Variants in CCDC7 observed in about 807,000 individuals in gnomAD.
The protein encoded by CCDC7 is coiled-coil domain containing 7.
A neutral mutation model predicts 196.9 loss-of-function variants in CCDC7; 183 were observed. That is an observed-to-expected ratio of 0.93 (90% CI 0.82 to 1.05). The LOEUF is 1.05. CCDC7 is among the 50% of genes least tolerant of loss of function. The pLI is 0.00. For missense variants in CCDC7, 1,540 were observed against 1,482.2 expected, an observed-to-expected ratio of 1.04 and a Z score of -0.64; for synonymous variants, 525 against 484.6, an observed-to-expected ratio of 1.08 and a Z score of -1.10.
chr10:32,474,960 G>C (rs763746079), intron 8 of CCDC7, among the ~76,000 whole-genome samples: 1 of 152,170 alleles, frequency 6.6e-6, no homozygotes, highest in Non-Finnish European at 1.5e-5. Context: ...TTTAAACCAA[G>C]GACAGCTGCA....
chr10:32,594,755 A>G (rs551524806), intron 18 of CCDC7, among the ~76,000 whole-genome samples: 4 of 152,324 alleles, frequency 2.6e-5, no homozygotes, highest in East Asian at 1.9e-4. Context: ...AGTTTTTAGC[A>G]TGAAGCGCTG....
intron 28 of CCDC7, among the ~76,000 whole-genome samples, chr10:32,760,445 G>A (rs2077264046): frequency 6.6e-6 from 1 of 151,934 alleles, no homozygotes; most frequent in South Asian, 2.1e-4. Context: ...GTCCTTTGTA[G>A]GGACATGGAT....
intron 34 of CCDC7, 51 bp downstream of exon 35, chr10:32,845,377 C>A: frequency 7.2e-7 from 1 of 1,384,456 alleles, no homozygotes; most frequent in South Asian, 1.3e-5. Flanking sequence ...TTGATATTCC[C>A]TGAGTTAAAT....
rs1429756544 is a variant in CCDC7 at position 32,691,277 on chromosome 10, C to T, written c.2344+2114C>T. On this transcript the variant is annotated intron_variant, in intron 23 of 41. Coordinates refer to ENST00000639629, the Ensembl canonical transcript of CCDC7. ...TCATCGCATTCTGGATTTAGTAGGG[C>T]TATGTGTTGGTACCCATGGCCCACT... Among the ~76,000 whole-genome samples, 5 of 152,062 alleles carry T rather than the reference C, an allele frequency of 3.3e-5. 1 individual carries two copies.
intron 25 of CCDC7, among the ~76,000 whole-genome samples, chr10:32,721,091 T>C (rs1437381852): frequency 6.6e-6 from 1 of 151,238 alleles, no homozygotes; most frequent in African/African-American, 2.4e-5. Context: ...AAACCCTGTC[T>C]CCAAAAGAAA....
In CCDC7 at chr10:32,868,744, G is replaced by T. The variant is rs552016569; in HGVS notation, c.4112-7603G>T. On this transcript the variant is annotated intron_variant, in intron 41 of 41. Coordinates refer to ENST00000639629, the Ensembl canonical transcript of CCDC7. ...TCCCCCCACCCCACAAAAGGCCCTG[G>T]CGTGTGATGTTCCCCTTCCTGTGTC... Among the ~76,000 whole-genome samples, 62 of 118,474 alleles carry T rather than the reference G, an allele frequency of 5.2e-4. No homozygotes were observed. The South Asian group carries it at 0.017, about 32-fold the overall frequency. 77.7% of individuals were successfully genotyped at this position (118,474 alleles called of 152,430 possible). A position where few individuals can be genotyped will look rare whatever the true frequency, so the allele number is the denominator to read the frequency against.
At chr10:32,600,211 ATTTG>A (rs1405653812) in intron 18 of CCDC7, among the ~76,000 whole-genome samples, 1 of 151,026 alleles carries the variant, frequency 6.6e-6, no homozygotes, top group Non-Finnish European at 1.5e-5. Context: ...ATGTGTTTTC[ATTTG>A]TTTGTGTCAT....
intron 16 of CCDC7, among the ~76,000 whole-genome samples, chr10:32,576,139 G>A (rs1333042959): frequency 1.3e-5 from 2 of 151,986 alleles, no homozygotes; most frequent in Non-Finnish European, 2.9e-5. Context: ...GAGCCAGATT[G>A]TCCTTTGTCT....
intron 9 of CCDC7, among the ~76,000 whole-genome samples, chr10:32,505,567 C>G (rs867769338): frequency 6.6e-6 from 1 of 152,108 alleles, no homozygotes; most frequent in Non-Finnish European, 1.5e-5. Context: ...ATGGAGTCTC[C>G]TATGTCTACT....
chr10:32,726,427 G>A (rs1364064622), intron 25 of CCDC7, among the ~76,000 whole-genome samples: 2 of 151,846 alleles, frequency 1.3e-5, no homozygotes, highest in African/African-American at 2.4e-5. Flanking sequence ...AATTTTTATT[G>A]TTTGGTCTAT....
chr10:32,519,723 A>G (rs911908651), intron 11 of CCDC7, among the ~76,000 whole-genome samples: 1 of 152,092 alleles, frequency 6.6e-6, no homozygotes, highest in African/African-American at 2.4e-5. Flanking sequence ...TTGTGTTGCA[A>G]ATAATCCAGT....
At chr10:32,742,134 G>A (rs1213358882) in intron 28 of CCDC7, among the ~76,000 whole-genome samples, 4 of 151,988 alleles carry the variant, frequency 2.6e-5, no homozygotes, top group Non-Finnish European at 5.9e-5. Flanking sequence ...TATATTTACT[G>A]TAAATACTAA....
chr10:32,670,025 C>T (rs1250214858), intron 21 of CCDC7, among the ~76,000 whole-genome samples: 2 of 152,066 alleles, frequency 1.3e-5, no homozygotes, highest in African/African-American at 2.4e-5. Context: ...CATCCATCTT[C>T]GCTTGGGGCA....
At chr10:32,707,785 A>T (rs1461406398) in intron 24 of CCDC7, among the ~76,000 whole-genome samples, 1 of 152,206 alleles carries the variant, frequency 6.6e-6, no homozygotes, top group Non-Finnish European at 1.5e-5. Context: ...GACCTCTTCA[A>T]GGAGAACTAC....
At chr10:32,581,468 C>T (rs2058724942) in intron 16 of CCDC7, among the ~76,000 whole-genome samples, 2 of 152,076 alleles carry the variant, frequency 1.3e-5, no homozygotes, top group Non-Finnish European at 2.9e-5. Flanking sequence ...TCTCTTCCTC[C>T]TCCTCCTTCA....
chr10:32,865,340 C>G (rs2094162525), intron 41 of CCDC7, among the ~76,000 whole-genome samples: 1 of 151,254 alleles, frequency 6.6e-6, no homozygotes, highest in African/African-American at 2.4e-5. Context: ...TGCATGTAAA[C>G]AGTATTCACC....
intron 21 of CCDC7, among the ~76,000 whole-genome samples, chr10:32,676,369 G>C (rs1321281116): frequency 1.3e-5 from 2 of 151,898 alleles, no homozygotes; most frequent in Non-Finnish European, 2.9e-5. Flanking sequence ...ATTGACAAAT[G>C]GGATCTAATT....
chr10:32,880,223 G>A (rs1227414922), downstream of CCDC7, among the ~76,000 whole-genome samples: 1 of 152,028 alleles, frequency 6.6e-6, no homozygotes, highest in Non-Finnish European at 1.5e-5. Context: ...GTTGTTTCTT[G>A]ACTTTTTAAT....
At chr10:32,669,190 A>T (rs769934757) in intron 21 of CCDC7, among the ~76,000 whole-genome samples, 1 of 152,030 alleles carries the variant, frequency 6.6e-6, no homozygotes, top group Non-Finnish European at 1.5e-5. Flanking sequence ...TGTTAATGTG[A>T]TGTATCACAT....
Sources: gnomAD v4.1 joint callset for allele counts (sites outside exome capture counted in the v4.1 genomes callset) on GRCh38, gnomAD v4.1.1 for gene constraint, MANE v1.5 for transcripts, NCBI Gene and HGNC (gene_info 2026-07-23, HGNC 2026-07-21) for gene names.